KLK3: variants seen among roughly 807,000 people sequenced by gnomAD.
The protein encoded by KLK3 is prostate-specific antigen.
Under a neutral mutation model 27.7 loss-of-function variants are expected in KLK3, and 23 were observed. That is an observed-to-expected ratio of 0.83 (90% confidence interval 0.60 to 1.17). The LOEUF is 1.17. Ranked by LOEUF, KLK3 falls within the 50% of genes most tolerant of loss-of-function variation. KLK3 has a pLI of 0.00. For missense variants in KLK3, 322 were observed against 338.1 expected (o/e 0.95, Z 0.37); for synonymous variants, 142 against 134.2 (o/e 1.06, Z -0.40).
chr19:50,856,670 A>C, intron 2 of KLK3: 4 of 419,834 alleles, frequency 9.5e-6, no homozygotes, highest in South Asian at 7.3e-5. Context: ...CCGTGTGACT[A>C]TTTTGTTCTC....
chr19:50,858,503 T>C lies in KLK3; in HGVS notation c.538T>C (p.Ser180Pro). The C allele has an allele frequency of 1.2e-6, 2 of 1,614,186 alleles. No homozygotes were observed. Among genetic ancestry groups the C allele is most frequent in the Non-Finnish European group, 1.7e-6 (2 of 1,180,022 alleles). The stretch of plus-strand genomic sequence containing the variant: ...TCAGTGTGTGGACCTCCATGTTATT[T>C]CCAATGACGTGTGTGCGCAAGTTCA... ...KLQCVDLHVI[S>P]NDVCAQVHPQ... Residue 180 changes from serine (S) to proline (P), a missense_variant, in exon 4 of 5, where the codon TCC becomes CCC. Ser to Pro is a moderately conservative substitution (Grantham distance 74). Transcript: ENST00000326003.
intron 2 of KLK3, 61 bp from the exon 3 acceptor site, chr19:50,857,968 T>G: frequency 1.8e-5 from 27 of 1,521,928 alleles, no homozygotes; most frequent in Non-Finnish European, 2.4e-5. Flanking sequence ...CTTGCTCCTC[T>G]GTCCCTTCTC....
intron 2 of KLK3, chr19:50,857,773 C>T: frequency 2.2e-6 from 1 of 457,238 alleles, no homozygotes; most frequent in Non-Finnish European, 3.9e-6. Flanking sequence ...TCCCCTCTGC[C>T]CTTTCATTCT....
chr19:50,855,389 A>C, intron 1 of KLK3: 1 of 215,598 alleles, frequency 4.6e-6, no homozygotes, highest in Non-Finnish European at 9.3e-6. Flanking sequence ...GAGCCCCTCA[A>C]TCCTATCACA....
At position 50,860,308 on chromosome 19, in the gene KLK3, C is replaced by T. The variant is rs2090177490; in HGVS notation, c.*181C>T. On this transcript the variant is annotated 3_prime_UTR_variant, in exon 5 of 5. Coordinates refer to ENST00000326003, the MANE Select transcript of KLK3 (RefSeq NM_001648.2). ...GTTTCTTAAATGGTGTAATTTTGTC[C>T]TCTCTGTGTCCTGGGGAATACTGGC... The T allele has an allele frequency of 1.9e-6, 1 of 527,472 alleles. No homozygotes were observed. The highest frequency in any genetic ancestry group is 3.4e-6 in the Non-Finnish European group (1 of 291,544). 32.7% of individuals were successfully genotyped at this position (527,472 alleles called of 1,614,324 possible).
At position 50,856,326 on chromosome 19, in the gene KLK3, C is replaced by A. The variant is rs555200638; in HGVS notation, c.133C>A (p.Arg45Ser). ...SQPWQVLVAS[R>S]GRAVCGGVLV... ...ACCCTGGCAGGTGCTTGTGGCCTCTCGTGGCAGGGCAGTCTGCGGCGGTGT... is the reference window on the plus strand; with the variant it reads ...ACCCTGGCAGGTGCTTGTGGCCTCTAGTGGCAGGGCAGTCTGCGGCGGTGT... Residue 45 changes from arginine to serine, a missense_variant, in exon 2 of 5, where the codon CGT becomes AGT. By Grantham distance (110) the Arg-to-Ser change is moderately radical. Coordinates refer to ENST00000326003, the MANE Select transcript of KLK3 (RefSeq NM_001648.2). 1.9e-6 allele frequency: 3 copies of A among 1,613,648 alleles called. No homozygotes were observed. Among genetic ancestry groups the A allele is most frequent in the Admixed American group, 3.3e-5 (2 of 60,022 alleles).
chr19:50,856,633 T>G, intron 2 of KLK3: 1 of 512,838 alleles, frequency 1.9e-6, no homozygotes. Context: ...ATTATGTCTC[T>G]TGGTAACTGG....
At chr19:50,856,998 C>A (rs1486492125) in intron 2 of KLK3, among the ~76,000 whole-genome samples, 2 of 151,760 alleles carry the variant, frequency 1.3e-5, no homozygotes, top group Non-Finnish European at 2.9e-5. Flanking sequence ...CCCATCTCTA[C>A]TAAAAATACA....
chr19:50,858,869 CAT>C (rs1403979843), intron 4 of KLK3: 3 of 565,398 alleles, frequency 5.3e-6, no homozygotes, highest in African/African-American at 3.7e-5. Flanking sequence ...GAGCCTGGGA[CAT>C]AGCAGTGAAC....
Position 50,860,067 on chromosome 19 carries a change from G to A in KLK3, c.726G>A (p.Leu242=), listed in dbSNP as rs113126792. The A allele has an allele frequency of 2.5e-5, 41 of 1,614,074 alleles. No individual in the cohort carries two copies. In the African/African-American group the frequency reaches 4.5e-4, roughly 18 times the overall value. The change falls in exon 5 of 5, where the codon CTG becomes CTA. Residue 242 remains leucine, a synonymous_variant. Transcript: ENST00000326003. ...GTGCCCTGCCCGAAAGGCCTTCCCTGTACACCAAGGTGGTGCATTACCGGA... is the reference window on the plus strand; with the variant it reads ...GTGCCCTGCCCGAAAGGCCTTCCCTATACACCAAGGTGGTGCATTACCGGA... The part of the protein sequence containing the change: ...EPCALPERPS[L]YTKVVHYRKW...
chr19:50,860,386 T>G lies in KLK3; in HGVS notation c.*259T>G. 2.7e-6 allele frequency: 1 copy of G among 369,076 alleles called. No individual in the cohort carries two copies. Among genetic ancestry groups the G allele is most frequent in the Non-Finnish European group, 5.0e-6 (1 of 201,964 alleles). The allele number at this position is 369,076 out of a possible 1,614,324, so 22.9% of individuals were successfully genotyped here. A position where few individuals can be genotyped will look rare whatever the true frequency, so the allele number is the denominator to read the frequency against. ...CTCTGAGGACACAGATAGGATGGGG[T>G]GTCTGTGTTATTTGTGGGGTACAGA... On this transcript the variant is annotated 3_prime_UTR_variant, in exon 5 of 5. Transcript: ENST00000326003.
chr19:50,858,051 C>T lies in KLK3; in HGVS notation c.229C>T (p.Arg77Trp), dbSNP rs146422657. The change falls in exon 3 of 5, where the codon CGG becomes TGG. Residue 77 changes from arginine to tryptophan, a missense_variant. Coordinates refer to ENST00000326003, the MANE Select transcript of KLK3 (RefSeq NM_001648.2). ...CAGCAAAAGCGTGATCTTGCTGGGT[C>T]GGCACAGCCTGTTTCATCCTGAAGA... The part of the protein sequence containing the change: ...IRNKSVILLG[R>W]HSLFHPEDTG... The T allele has an allele frequency of 5.0e-4, 809 of 1,611,898 alleles. No homozygotes were observed. Among genetic ancestry groups the T allele is most frequent in the Non-Finnish European group, 6.7e-4 (787 of 1,179,444 alleles).
intron 4 of KLK3, 143 bp from the exon 5 acceptor site, chr19:50,859,829 A>G: frequency 6.7e-7 from 1 of 1,484,748 alleles, no homozygotes; most frequent in South Asian, 1.4e-5. Flanking sequence ...CTTCTTCTGG[A>G]AGTCGGCTCT....
chr19:50,858,364 GA>G (rs1193272333), intron 3 of KLK3, 49 bp downstream of exon 3: 1 of 1,603,112 alleles, frequency 6.2e-7, no homozygotes, highest in Admixed American at 1.7e-5. Context: ...GCCTGGGTCT[GA>G]GGGAGGAGGG....
chr19:50,856,476 A>G (rs777509372), intron 2 of KLK3, 77 bp downstream of exon 2: 72 of 1,540,344 alleles, frequency 4.7e-5, no homozygotes, highest in African/African-American at 8.2e-5. Flanking sequence ...TCCCCAGGAT[A>G]ACCTCTAAGG....
Position 50,860,181 on chromosome 19 carries a change from G to A in KLK3, c.*54G>A. ...AACTTGGAACCTTGGAAATGACCAG[G>A]CCAAGACTCAAGCCTCCCCAGTTCT... On this transcript the variant is annotated 3_prime_UTR_variant, in exon 5 of 5. Coordinates refer to ENST00000326003, the MANE Select transcript of KLK3 (RefSeq NM_001648.2). 12 of 1,429,564 alleles carry A rather than the reference G, an allele frequency of 8.4e-6. No individual in the cohort carries two copies. The highest frequency in any genetic ancestry group is 1.2e-5 in the South Asian group (1 of 81,690). The allele number at this position is 1,429,564 out of a possible 1,614,324, so 88.6% of individuals were successfully genotyped here.
At position 50,858,477 on chromosome 19, in the gene KLK3, T is replaced by A. The variant is rs772282891; in HGVS notation, c.512T>A (p.Leu171His). The change falls in exon 4 of 5, where the codon CTT (leucine) becomes CAT (histidine). Residue 171 changes from leucine to histidine, a missense_variant. Coordinates refer to ENST00000326003, the MANE Select transcript of KLK3 (RefSeq NM_001648.2). ...EPEEFLTPKK[L>H]QCVDLHVISN... ...CCCGTAGTCTTGACCCCAAAGAAAC[T>A]TCAGTGTGTGGACCTCCATGTTATT... 2 of 1,614,120 alleles carry A rather than the reference T, an allele frequency of 1.2e-6. No homozygotes were observed. The highest frequency in any genetic ancestry group is 3.3e-5 in the Admixed American group (2 of 60,014).
In KLK3 at chr19:50,860,166, C is replaced by G; in HGVS notation, c.*39C>G. The stretch of plus-strand genomic sequence containing the variant: ...CCCCCTATTGTAGTAAACTTGGAAC[C>G]TTGGAAATGACCAGGCCAAGACTCA... On this transcript the variant is annotated 3_prime_UTR_variant, in exon 5 of 5. Coordinates refer to ENST00000326003, the MANE Select transcript of KLK3 (RefSeq NM_001648.2). 1 of 1,519,714 alleles carries G rather than the reference C, an allele frequency of 6.6e-7. No individual in the cohort carries two copies. Among genetic ancestry groups the G allele is most frequent in the Non-Finnish European group, 9.1e-7 (1 of 1,101,094 alleles). The allele number at this position is 1,519,714 out of a possible 1,614,324, so 94.1% of individuals were successfully genotyped here.
At chr19:50,859,607 AG>A in intron 4 of KLK3, 1 of 1,613,448 alleles carries the variant, frequency 6.2e-7, no homozygotes, top group Non-Finnish European at 8.5e-7. Context: ...CCTGGAGAGG[AG>A]GTGTCTAGTC....
Sources: gnomAD v4.1 joint callset for allele counts (sites outside exome capture counted in the v4.1 genomes callset) on GRCh38, gnomAD v4.1.1 for gene constraint, MANE v1.5 for transcripts, NCBI Gene and HGNC (gene_info 2026-07-23, HGNC 2026-07-21) for gene names.